PHF13: variants seen among roughly 807,000 people sequenced by gnomAD.
PHF13 encodes PHD zinc finger protein PHF5.
A neutral mutation model predicts 25.8 loss-of-function variants in PHF13; 1 was observed. That is an observed-to-expected ratio of 0.04 (90% CI 0.01 to 0.18). The LOEUF (loss-of-function observed/expected upper bound fraction) is 0.18, where lower values mean the gene tolerates loss of function less well. Ranked by LOEUF, PHF13 falls within the 10% of genes least tolerant of loss-of-function variation. The pLI is 1.00. For synonymous variants in PHF13, 195 were observed against 162.4 expected (o/e 1.20, Z -1.53); for missense variants, 306 against 403.2 (o/e 0.76, Z 2.06).
At chr1:6,614,863 G>A (rs934759430) in intron 1 of PHF13, among the ~76,000 whole-genome samples, 7 of 151,352 alleles carry the variant, frequency 4.6e-5, no homozygotes, top group African/African-American at 9.7e-5. Context: ...CCCCAGCCGA[G>A]GCTCGTTGGG....
chr1:6,619,662 A>T, intron 2 of PHF13, 141 bp from the exon 3 acceptor site: 1 of 869,162 alleles, frequency 1.2e-6, no homozygotes, highest in Non-Finnish European at 1.8e-6. Flanking sequence ...CTGTTGCTTC[A>T]AGTGTGATGC....
At position 6,620,078 on chromosome 1, in the gene PHF13, G is replaced by C; in HGVS notation, c.417G>C (p.Leu139Phe). The change falls in exon 3 of 4, where the codon TTG (leucine) becomes TTC (phenylalanine). Residue 139 changes from leucine to phenylalanine, a missense_variant. By Grantham distance (22) the Leu-to-Phe change is conservative. This residue lies in a region of PHF13 where 186 missense variants were observed against 164.0 expected (regional missense o/e 1.13). Coordinates refer to ENST00000377648, the MANE Select transcript of PHF13 (RefSeq NM_153812.3). ...APGKEGYRGGLLKLEAADPYV... is the reference protein window; with the variant it reads ...APGKEGYRGGFLKLEAADPYV... ...GGAAAGAGGGGTACAGGGGGGGCTTGCTGAAGCTGGAAGCCGCTGACCCCT... is the reference window on the plus strand; with the variant it reads ...GGAAAGAGGGGTACAGGGGGGGCTTCCTGAAGCTGGAAGCCGCTGACCCCT... 6.2e-7 allele frequency: 1 copy of C among 1,613,484 alleles called. No individual in the cohort carries two copies. The highest frequency in any genetic ancestry group is 1.6e-4 in the Middle Eastern group (1 of 6,062).
Position 6,616,741 on chromosome 1 carries a change from T to C in PHF13, c.40-16T>C. On this transcript the variant is annotated splice_polypyrimidine_tract_variant and intron_variant, in intron 1 of 3. Coordinates refer to ENST00000377648, the MANE Select transcript of PHF13 (RefSeq NM_153812.3). ...CCTCTCCTTCAAACACATTCCCTTTTCTCTCCCCTTAATAGGAATACTCCC... is the reference window on the plus strand; with the variant it reads ...CCTCTCCTTCAAACACATTCCCTTTCCTCTCCCCTTAATAGGAATACTCCC... 2 of 1,606,098 alleles carry C rather than the reference T, an allele frequency of 1.2e-6. No homozygotes were observed. The highest frequency in any genetic ancestry group is 1.7e-6 in the Non-Finnish European group (2 of 1,172,690).
intron 2 of PHF13, among the ~76,000 whole-genome samples, chr1:6,617,759 T>TA (rs1302807552): frequency 1.3e-5 from 2 of 152,218 alleles, no homozygotes; most frequent in African/African-American, 4.8e-5. Context: ...GGTCTGTAGT[T>TA]ACTGACTGTT....
At position 6,613,839 on chromosome 1, in the gene PHF13, C is replaced by T; in HGVS notation, c.-228C>T. 2 of 369,458 alleles carry T rather than the reference C, an allele frequency of 5.4e-6. No individual in the cohort carries two copies. Among genetic ancestry groups the T allele is most frequent in the Non-Finnish European group, 9.9e-6 (2 of 202,278 alleles). The allele number at this position is 369,458 out of a possible 1,614,324, so 22.9% of individuals were successfully genotyped here. A position where few individuals can be genotyped will look rare whatever the true frequency, so the allele number is the denominator to read the frequency against. On this transcript the variant is annotated 5_prime_UTR_variant, in exon 1 of 4. Transcript: ENST00000377648. The stretch of plus-strand genomic sequence containing the variant: ...CCCTGCAGCCACTCTCCCGCCTCTA[C>T]CGCCGCGGGAGCTGCATCGTCCACT...
intron 2 of PHF13, among the ~76,000 whole-genome samples, chr1:6,617,111 C>CT (rs567055421): frequency 5.3e-5 from 8 of 151,746 alleles, no homozygotes; most frequent in African/African-American, 1.2e-4. Context: ...AGTAAACTTT[C>CT]TTTTTTTTTG....
chr1:6,619,980 C>T lies in PHF13; in HGVS notation c.319C>T (p.Leu107=), dbSNP rs764204571. ...GCAGCGAGCCAAGCCCAGTAACTTC[C>T]TGCTGGACAGAAAGAAAACGGACAA... ...LLQRAKPSNF[L]LDRKKTDKLK... Residue 107 remains leucine, a synonymous_variant, in exon 3 of 4, where the codon CTG becomes TTG. Coordinates refer to ENST00000377648, the MANE Select transcript of PHF13 (RefSeq NM_153812.3). The T allele has an allele frequency of 1.5e-5, 24 of 1,613,876 alleles. No individual in the cohort carries two copies. The highest frequency in any genetic ancestry group is 1.6e-4 in the Middle Eastern group (1 of 6,062).
At chr1:6,617,316 C>T (rs538962141) in intron 2 of PHF13, among the ~76,000 whole-genome samples, 1 of 152,302 alleles carries the variant, frequency 6.6e-6, no homozygotes, top group African/African-American at 2.4e-5. Context: ...GAACTCCTGA[C>T]CTCAGGTGAT....
chr1:6,619,769 C>T, intron 2 of PHF13, 34 bp from the exon 3 acceptor site: 1 of 1,558,684 alleles, frequency 6.4e-7, no homozygotes, highest in Non-Finnish European at 8.7e-7. Flanking sequence ...ATCTTGTCAC[C>T]AGTAACTGGA....
At chr1:6,616,938 CTGGT>C in intron 2 of PHF13, 80 bp downstream of exon 2, 1 of 1,244,966 alleles carries the variant, frequency 8.0e-7, no homozygotes, top group Non-Finnish European at 1.2e-6. Flanking sequence ...GGGCTTCTGA[CTGGT>C]CAGAGGGTCA....
At chr1:6,620,843 C>G (rs562876749) in intron 3 of PHF13, among the ~76,000 whole-genome samples, 18 of 151,960 alleles carry the variant, frequency 1.2e-4, no homozygotes, top group Middle Eastern at 3.4e-3. Flanking sequence ...CATGGTGAAA[C>G]CCCGACTCTA....
At chr1:6,615,816 G>A (rs1641253356) in intron 1 of PHF13, among the ~76,000 whole-genome samples, 1 of 152,166 alleles carries the variant, frequency 6.6e-6, no homozygotes, top group Non-Finnish European at 1.5e-5. Context: ...CCACTATTCC[G>A]TTTAAATGTA....
At chr1:6,614,197 C>T in intron 1 of PHF13, 92 bp downstream of exon 1, 4 of 1,146,132 alleles carry the variant, frequency 3.5e-6, no homozygotes, top group Non-Finnish European at 5.1e-6. Context: ...GCCCGGAGCG[C>T]CGCCCTCCCC....
chr1:6,623,445 A>G lies in PHF13; in HGVS notation c.*1808A>G, dbSNP rs948130075. 1 of 152,598 alleles carries G rather than the reference A, an allele frequency of 6.6e-6. No homozygotes were observed. Among genetic ancestry groups the G allele is most frequent in the Non-Finnish European group, 1.5e-5 (1 of 68,044 alleles). The allele number at this position is 152,598 out of a possible 1,614,324, so 9.5% of individuals were successfully genotyped here. On this transcript the variant is annotated 3_prime_UTR_variant, in exon 4 of 4. Transcript: ENST00000377648. ...TTTGCCAAAGATCTACCCTGAGATA[A>G]CGCCTGTCCAGTGTCTTCACCACGT...
At position 6,623,460 on chromosome 1, in the gene PHF13, C is replaced by T. The variant is rs1467141707; in HGVS notation, c.*1823C>T. The T allele has an allele frequency of 6.6e-6, 1 of 152,482 alleles. No individual in the cohort carries two copies. Among genetic ancestry groups the T allele is most frequent in the East Asian group, 1.9e-4 (1 of 5,188 alleles). The allele number at this position is 152,482 out of a possible 1,614,324, so 9.4% of individuals were successfully genotyped here. A position where few individuals can be genotyped will look rare whatever the true frequency, so the allele number is the denominator to read the frequency against. ...CCCTGAGATAACGCCTGTCCAGTGTCTTCACCACGTGAATAACCAGCGCTC... is the reference window on the plus strand; with the variant it reads ...CCCTGAGATAACGCCTGTCCAGTGTTTTCACCACGTGAATAACCAGCGCTC... On this transcript the variant is annotated 3_prime_UTR_variant, in exon 4 of 4. Transcript: ENST00000377648.
In PHF13 at chr1:6,614,036, C is replaced by A; in HGVS notation, c.-31C>A. ...GCTCCAGCATCCCAGCTCCTGCACT[C>A]TCGCAGCCGCCGCCGCCCCCCGCCC... On this transcript the variant is annotated 5_prime_UTR_variant, in exon 1 of 4. Coordinates refer to ENST00000377648, the MANE Select transcript of PHF13 (RefSeq NM_153812.3). 6.3e-7 allele frequency: 1 copy of A among 1,576,332 alleles called. No homozygotes were observed. The highest frequency in any genetic ancestry group is 8.6e-7 in the Non-Finnish European group (1 of 1,161,148).
In PHF13 at chr1:6,622,198, G is replaced by C. The variant is rs1557448016; in HGVS notation, c.*561G>C. 1 of 167,978 alleles carries C rather than the reference G, an allele frequency of 6.0e-6. No homozygotes were observed. The highest frequency in any genetic ancestry group is 1.3e-5 in the Non-Finnish European group (1 of 75,658). The allele number at this position is 167,978 out of a possible 1,614,324, so 10.4% of individuals were successfully genotyped here. A position where few individuals can be genotyped will look rare whatever the true frequency, so the allele number is the denominator to read the frequency against. On this transcript the variant is annotated 3_prime_UTR_variant, in exon 4 of 4. Coordinates refer to ENST00000377648, the MANE Select transcript of PHF13 (RefSeq NM_153812.3). ...GGGGAGGCACTGGCGGGAGGCCTCG[G>C]GCTCCCCTGGAAGGGCGCTGGGCTG...
chr1:6,620,354 G>A lies in PHF13; in HGVS notation c.676+17G>A, dbSNP rs773686884. The A allele has an allele frequency of 6.2e-7, 1 of 1,603,630 alleles. No individual in the cohort carries two copies. Among genetic ancestry groups the A allele is most frequent in the East Asian group, 2.2e-5 (1 of 44,714 alleles). Reference sequence around the variant, plus strand: ...TGGACTCAGGTGAGTGGTCCCTGAAGGATGATGACCCTTGTTGGCTTGTGG... The same window carrying A: ...TGGACTCAGGTGAGTGGTCCCTGAAAGATGATGACCCTTGTTGGCTTGTGG... On this transcript the variant is annotated intron_variant, in intron 3 of 3. Transcript: ENST00000377648.
intron 2 of PHF13, among the ~76,000 whole-genome samples, chr1:6,619,465 A>C (rs1349199449): frequency 6.6e-6 from 1 of 151,830 alleles, no homozygotes; most frequent in Non-Finnish European, 1.5e-5. Context: ...TCAGCCTCCC[A>C]AGTAGCTGGG....
Sources: gnomAD v4.1 joint callset for allele counts (sites outside exome capture counted in the v4.1 genomes callset) on GRCh38, gnomAD v4.1.1 for gene constraint, gnomAD v4.1.1 regional missense constraint, MANE v1.5 for transcripts, NCBI Gene and HGNC (gene_info 2026-07-23, HGNC 2026-07-21) for gene names.